Variants in ADGRL4 observed in about 807,000 individuals in gnomAD.
ADGRL4 encodes adhesion G protein-coupled receptor L4.
A neutral mutation model predicts 74.8 loss-of-function variants in ADGRL4; 90 were observed. That is an observed-to-expected ratio of 1.20 (90% CI 1.02 to 1.43). ADGRL4 has a LOEUF of 1.43. Among genes scored for constraint, ADGRL4 ranks in the 40% most tolerant of loss-of-function variants. ADGRL4 has a pLI of 0.00. For synonymous variants in ADGRL4, 311 were observed against 279.2 expected (o/e 1.11, Z -1.14); for missense variants, 881 against 814.3 (o/e 1.08, Z -1.00).
intron 12 of ADGRL4, among the ~76,000 whole-genome samples, chr1:78,915,334 A>T (rs185097790): frequency 1.7e-3 from 253 of 151,968 alleles, no homozygotes; most frequent in Admixed American, 2.7e-3. Flanking sequence ...TGCTCATTAT[A>T]ATCTGGTATT....
chr1:78,905,987 A>T (rs1238907619), intron 12 of ADGRL4, among the ~76,000 whole-genome samples: 1 of 152,032 alleles, frequency 6.6e-6, no homozygotes, highest in Non-Finnish European at 1.5e-5. Flanking sequence ...AAATATAATT[A>T]TTCTCCAGGA....
At chr1:78,947,792 A>G (rs1649633680) in intron 2 of ADGRL4, among the ~76,000 whole-genome samples, 2 of 152,206 alleles carry the variant, frequency 1.3e-5, no homozygotes, top group African/African-American at 4.8e-5. Flanking sequence ...GAGAGAAATC[A>G]CAGGAGAATC....
At chr1:78,928,818 T>C (rs2100679259) in intron 7 of ADGRL4, among the ~76,000 whole-genome samples, 1 of 151,706 alleles carries the variant, frequency 6.6e-6, no homozygotes, top group East Asian at 1.9e-4. Context: ...AAATTAATAG[T>C]TTTTTATTAC....
chr1:78,965,866 T>G lies in ADGRL4; in HGVS notation c.173-19440A>C, dbSNP rs187163565. ...ATAGCTGGCTTTTAAATCTGACAGCTGAGCTGACACTCTAAAATATTAAGC... is the reference window on the plus strand; with the variant it reads ...ATAGCTGGCTTTTAAATCTGACAGCGGAGCTGACACTCTAAAATATTAAGC... On this transcript the variant is annotated intron_variant, in intron 2 of 14. Transcript: ENST00000370742. 2.6e-3 allele frequency among the ~76,000 whole-genome samples: 401 copies of G among 152,310 alleles called. 1 individual carries two copies. Among genetic ancestry groups the G allele is most frequent in the Non-Finnish European group, 3.7e-3 (255 of 68,018 alleles).
chr1:78,976,013 C>T (rs1049800596), intron 2 of ADGRL4, among the ~76,000 whole-genome samples: 2 of 151,926 alleles, frequency 1.3e-5, no homozygotes, highest in Non-Finnish European at 2.9e-5. Context: ...ATGAGATAAA[C>T]TATTAATACA....
chr1:78,945,363 T>C (rs1007923593), intron 3 of ADGRL4, among the ~76,000 whole-genome samples: 1 of 151,780 alleles, frequency 6.6e-6, no homozygotes, highest in African/African-American at 2.4e-5. Context: ...ATGATTACAT[T>C]CTCAGGGCCT....
At chr1:79,002,965 T>C (rs955618842) in intron 2 of ADGRL4, among the ~76,000 whole-genome samples, 1 of 152,090 alleles carries the variant, frequency 6.6e-6, no homozygotes, top group Non-Finnish European at 1.5e-5. Context: ...GTTATTACTA[T>C]AACATTTCTT....
chr1:78,984,866 A>C (rs1343886815), intron 2 of ADGRL4, among the ~76,000 whole-genome samples: 1 of 151,736 alleles, frequency 6.6e-6, no homozygotes, highest in African/African-American at 2.4e-5. Flanking sequence ...GGTAGAACAG[A>C]ATGTCAACGC....
At chr1:78,958,851 A>G (rs560995576) in intron 2 of ADGRL4, among the ~76,000 whole-genome samples, 183 of 152,284 alleles carry the variant, frequency 1.2e-3, no homozygotes, top group African/African-American at 4.2e-3. Flanking sequence ...ACAGGAAGAG[A>G]CAATCCAAGT....
chr1:78,933,889 C>T lies in ADGRL4; in HGVS notation c.877+2406G>A, dbSNP rs187803067. ...AGCTAACAAGGGATGTGAAGGACCT[C>T]TTCAAGGAGAAGTACAAATCACTGC... On this transcript the variant is annotated intron_variant, in intron 7 of 14. Transcript: ENST00000370742. Among the ~76,000 whole-genome samples the T allele has an allele frequency of 3.1e-3, 466 of 152,178 alleles. 5 individuals are homozygous for T. The highest frequency in any genetic ancestry group is 0.011 in the African/African-American group (442 of 41,520).
At chr1:78,914,076 G>A (rs535468797) in intron 12 of ADGRL4, among the ~76,000 whole-genome samples, 24 of 151,864 alleles carry the variant, frequency 1.6e-4, no homozygotes, top group East Asian at 3.9e-4. Context: ...TTGTTTTGCC[G>A]TTTGTTCTCC....
At position 78,908,476 on chromosome 1, in the gene ADGRL4, TACAG is replaced by T. The variant is rs993290111; in HGVS notation, c.1749+9154_1749+9157del. On this transcript the variant is annotated intron_variant, in intron 12 of 14. Coordinates refer to ENST00000370742, the MANE Select transcript of ADGRL4 (RefSeq NM_022159.4). ...TATTTTTAAGTAGATAAGTCAATAT[TACAG>T]TATTACAGTGTAAACATCTAGTAAA... Among the ~76,000 whole-genome samples the T allele has an allele frequency of 3.7e-3, 570 of 152,134 alleles. 6 individuals are homozygous for T. Among genetic ancestry groups the T allele is most frequent in the African/African-American group, 0.013 (545 of 41,542 alleles).
At chr1:78,958,375 T>C (rs1255646483) in intron 2 of ADGRL4, among the ~76,000 whole-genome samples, 2 of 152,166 alleles carry the variant, frequency 1.3e-5, no homozygotes, top group Non-Finnish European at 2.9e-5. Flanking sequence ...CTGGAAATGA[T>C]TCACCATTCT....
Position 79,005,069 on chromosome 1 carries a change from C to G in ADGRL4, c.172+1G>C. ...CAAAAGAAGTAACAAAGCTTGTTTA[C>G]CTTCACAAATTGTGACACCATTTCC... On this transcript the variant is annotated splice_donor_variant, in intron 2 of 14. Transcript: ENST00000370742. LOFTEE classifies it high-confidence loss of function. 6.2e-7 allele frequency: 1 copy of G among 1,610,888 alleles called. No individual in the cohort carries two copies. The highest frequency in any genetic ancestry group is 8.5e-7 in the Non-Finnish European group (1 of 1,178,710).
At chr1:78,905,165 ATAAT>A (rs1487950664) in intron 12 of ADGRL4, among the ~76,000 whole-genome samples, 1 of 152,054 alleles carries the variant, frequency 6.6e-6, no homozygotes, top group African/African-American at 2.4e-5. Context: ...TATCAGCAAA[ATAAT>A]TACTGAAATG....
intron 12 of ADGRL4, among the ~76,000 whole-genome samples, chr1:78,901,460 T>C (rs1218140140): frequency 6.6e-6 from 1 of 152,170 alleles, no homozygotes; most frequent in Non-Finnish European, 1.5e-5. Flanking sequence ...ATGTAGTCTA[T>C]GAAAGGGCAC....
At chr1:78,934,472 C>T (rs4271160) in intron 7 of ADGRL4, among the ~76,000 whole-genome samples, 13,603 of 152,126 alleles carry the variant, frequency 0.089, 813 homozygotes, top group East Asian at 0.33. Flanking sequence ...GTAGGTAATA[C>T]CATTTAGGAC....
At chr1:78,901,031 C>G (rs1201542641) in intron 12 of ADGRL4, among the ~76,000 whole-genome samples, 1 of 152,012 alleles carries the variant, frequency 6.6e-6, no homozygotes, top group East Asian at 1.9e-4. Flanking sequence ...CATATTTCTT[C>G]TGTAAAATTC....
At chr1:78,951,623 A>G (rs1469479814) in intron 2 of ADGRL4, among the ~76,000 whole-genome samples, 2 of 152,206 alleles carry the variant, frequency 1.3e-5, no homozygotes, top group Non-Finnish European at 2.9e-5. Context: ...ACATATTTCA[A>G]GCATTCTGTT....
Sources: allele counts gnomAD v4.1 joint callset (sites outside exome capture counted in the v4.1 genomes callset), GRCh38; gene constraint gnomAD v4.1.1; transcripts MANE v1.5; gene names NCBI Gene and HGNC (gene_info 2026-07-23, HGNC 2026-07-21).